Variants in DIAPH2 observed in about 807,000 individuals in gnomAD.
DIAPH2 encodes protein diaphanous homolog 2.
In DIAPH2, 35 loss-of-function variants were observed where a neutral mutation model predicts 92.7. The ratio of observed to expected loss-of-function variants is 0.38; its 90% CI spans 0.29 to 0.50. The LOEUF (loss-of-function observed/expected upper bound fraction) is 0.50. DIAPH2 is among the 20% of genes least tolerant of loss of function. The pLI is 0.94. For synonymous variants in DIAPH2, 301 were observed against 280.4 expected, an observed-to-expected ratio of 1.07 and a Z score of -0.73; for missense variants, 701 against 819.5, an observed-to-expected ratio of 0.86 and a Z score of 1.77.
chrX:96,791,695 G>T (rs763736309), intron 4 of DIAPH2, among the ~76,000 whole-genome samples: 136 of 111,130 alleles, frequency 1.2e-3, no homozygotes, highest in African/African-American at 4.3e-3. Context: ...GATGATGCTG[G>T]TTTTATTACA....
At chrX:96,708,449 C>T (rs2063899384) in intron 1 of DIAPH2, among the ~76,000 whole-genome samples, 1 of 110,048 alleles carries the variant, frequency 9.1e-6, no homozygotes, top group Admixed American at 9.7e-5. Context: ...ACCATCTTGG[C>T]CAGGCTGGTC....
In DIAPH2 at chrX:97,598,557, C is replaced by G. The variant is rs754095372; in HGVS notation, c.3242-696C>G. On this transcript the variant is annotated intron_variant, in intron 26 of 26. Transcript: ENST00000324765. ...TAGTAGTGATCATTGCAATGCAGAGCTGTAAACCTTTTCCCTATTAAAGCT... is the reference window on the plus strand; with the variant it reads ...TAGTAGTGATCATTGCAATGCAGAGGTGTAAACCTTTTCCCTATTAAAGCT... Among the ~76,000 whole-genome samples, 3 of 111,973 alleles carry G rather than the reference C, an allele frequency of 2.7e-5. No individual in the cohort carries two copies. In the East Asian group the frequency reaches 8.4e-4, roughly 32 times the overall value.
chrX:97,070,961 G>T (rs1218182603), intron 17 of DIAPH2, among the ~76,000 whole-genome samples: 1 of 111,625 alleles, frequency 9.0e-6, no homozygotes, highest in African/African-American at 3.2e-5. Context: ...CTGTTAGTTT[G>T]CAGAACCATC....
chrX:97,511,093 C>T (rs1168972541), intron 26 of DIAPH2, among the ~76,000 whole-genome samples: 5 of 102,116 alleles, frequency 4.9e-5, no homozygotes, highest in African/African-American at 1.8e-4. Flanking sequence ...CTATAAATTA[C>T]CTTGGGAAGT....
At chrX:96,824,380 GAA>G (rs2064799004) in intron 4 of DIAPH2, among the ~76,000 whole-genome samples, 1 of 110,611 alleles carries the variant, frequency 9.0e-6, no homozygotes, top group South Asian at 3.9e-4. Flanking sequence ...GTACAGATGT[GAA>G]GAGTAAAACA....
At chrX:97,009,821 C>T (rs2066211460) in intron 17 of DIAPH2, among the ~76,000 whole-genome samples, 1 of 111,708 alleles carries the variant, frequency 9.0e-6, no homozygotes, top group Non-Finnish European at 1.9e-5. Flanking sequence ...AAACAAAGTC[C>T]TCTTTACTCT....
intron 15 of DIAPH2, among the ~76,000 whole-genome samples, chrX:96,956,013 C>T (rs939293697): frequency 8.9e-6 from 1 of 112,641 alleles, no homozygotes; most frequent in African/African-American, 3.2e-5. Context: ...GGGGCTCCAA[C>T]CCCACATTTC....
intron 21 of DIAPH2, among the ~76,000 whole-genome samples, chrX:97,117,995 A>G (rs1332174593): frequency 1.8e-5 from 2 of 111,287 alleles, no homozygotes; most frequent in Non-Finnish European, 3.8e-5. Context: ...AGCATATATA[A>G]TCTGCATAAG....
At chrX:96,994,679 C>T (rs1486024779) in intron 17 of DIAPH2, among the ~76,000 whole-genome samples, 2 of 111,163 alleles carry the variant, frequency 1.8e-5, no homozygotes, top group Non-Finnish European at 3.8e-5. Flanking sequence ...CTGGGGAGGC[C>T]TCAGGAAACT....
chrX:97,451,081 A>G (rs1246355075), intron 26 of DIAPH2, among the ~76,000 whole-genome samples: 4 of 111,345 alleles, frequency 3.6e-5, no homozygotes, highest in African/African-American at 1.3e-4. Context: ...AATCACAATG[A>G]AGACACCCTG....
intron 23 of DIAPH2, among the ~76,000 whole-genome samples, chrX:97,248,417 T>G (rs2147551731): frequency 8.9e-6 from 1 of 111,792 alleles, no homozygotes; most frequent in East Asian, 2.8e-4. Flanking sequence ...AAACATTTTT[T>G]GAAACTTCTA....
chrX:97,391,757 C>T (rs1343172475), intron 25 of DIAPH2, among the ~76,000 whole-genome samples: 2 of 110,392 alleles, frequency 1.8e-5, no homozygotes, highest in Non-Finnish European at 3.8e-5. Context: ...AAATTATATA[C>T]ATTCATCAAG....
At chrX:96,992,072 C>G (rs745978522) in intron 17 of DIAPH2, among the ~76,000 whole-genome samples, 1 of 110,298 alleles carries the variant, frequency 9.1e-6, no homozygotes, top group South Asian at 4.0e-4. Flanking sequence ...AGACCCATAC[C>G]CTGACTAAAT....
chrX:96,939,056 C>G (rs2065676487), intron 11 of DIAPH2, among the ~76,000 whole-genome samples: 1 of 111,419 alleles, frequency 9.0e-6, no homozygotes, highest in African/African-American at 3.3e-5. Context: ...CTTGGACATG[C>G]TCTTGAGGTC....
chrX:97,303,979 G>A (rs757404069), intron 23 of DIAPH2, among the ~76,000 whole-genome samples: 1 of 111,577 alleles, frequency 9.0e-6, no homozygotes, highest in East Asian at 2.8e-4. Context: ...TACAGACCTT[G>A]TTGGCAAAGC....
rs372617419 is a variant in DIAPH2 at position 96,932,778 on chromosome X, T to A, written c.1089+1935T>A. On this transcript the variant is annotated intron_variant, in intron 10 of 26. Transcript: ENST00000324765. ...TTCAAGCATTCATCATTTCTTTGTG[T>A]TGGGAATATTCTAATCCTACCCTTA... Among the ~76,000 whole-genome samples the A allele has an allele frequency of 3.8e-3, 418 of 111,391 alleles. 1 individual carries two copies. Among genetic ancestry groups the A allele is most frequent in the African/African-American group, 0.013 (398 of 30,709 alleles).
intron 26 of DIAPH2, chrX:97,528,348 A>G (rs1449139207): frequency 1.8e-5 from 2 of 112,121 alleles, no homozygotes; most frequent in Non-Finnish European, 3.7e-5. Context: ...GCTATAAAGG[A>G]ATACCTGAGG....
rs776296508 is a variant in DIAPH2 at position 97,598,058 on chromosome X, T to G, written c.3242-1195T>G. Reference sequence around the variant, plus strand: ...GACTACCGGGAAATCAGTCAAGAGATGCTAGCACAGACAAGAACGGCACCA... The same window carrying G: ...GACTACCGGGAAATCAGTCAAGAGAGGCTAGCACAGACAAGAACGGCACCA... On this transcript the variant is annotated intron_variant, in intron 26 of 26. Transcript: ENST00000324765. 6.3e-5 allele frequency among the ~76,000 whole-genome samples: 7 copies of G among 111,212 alleles called. No individual in the cohort carries two copies. The East Asian group carries it at 2.0e-3, about 32-fold the overall frequency.
chrX:97,009,831 T>A (rs2066211554), intron 17 of DIAPH2, among the ~76,000 whole-genome samples: 1 of 111,770 alleles, frequency 8.9e-6, no homozygotes, highest in African/African-American at 3.3e-5. Flanking sequence ...CTCTTTACTC[T>A]TCCCTTTCCT....
Sources: allele counts gnomAD v4.1 joint callset (sites outside exome capture counted in the v4.1 genomes callset), GRCh38; gene constraint gnomAD v4.1.1; transcripts MANE v1.5; gene names NCBI Gene and HGNC (gene_info 2026-07-23, HGNC 2026-07-21).